Variants in KCNB2 observed in about 807,000 individuals in gnomAD.
KCNB2 encodes delayed rectifier potassium channel protein.
Under a neutral mutation model 61.5 loss-of-function variants are expected in KCNB2, and 15 were observed. The ratio of observed to expected loss-of-function variants is 0.24; its 90% confidence interval spans 0.16 to 0.38. The LOEUF (loss-of-function observed/expected upper bound fraction) is 0.38. Among genes scored for constraint, KCNB2 ranks in the 10% least tolerant of loss-of-function variants. The pLI, the probability that KCNB2 is intolerant of heterozygous loss-of-function variation, is 1.00. For missense variants in KCNB2, 828 were observed against 1,125.2 expected, an observed-to-expected ratio of 0.74 and a Z score of 3.78; for synonymous variants, 457 against 446.0, an observed-to-expected ratio of 1.02 and a Z score of -0.31.
chr8:72,844,386 C>T (rs2129002848), intron 2 of KCNB2, among the ~76,000 whole-genome samples: 1 of 152,294 alleles, frequency 6.6e-6, no homozygotes, highest in South Asian at 2.1e-4. Flanking sequence ...TCCTTCATTT[C>T]AACCTTGGTG....
At chr8:72,673,331 T>A (rs2128988351) in intron 2 of KCNB2, among the ~76,000 whole-genome samples, 1 of 152,312 alleles carries the variant, frequency 6.6e-6, no homozygotes, top group East Asian at 1.9e-4. Flanking sequence ...CCTGTTCTTG[T>A]GATAGTGAGT....
At chr8:72,753,421 G>T (rs115210368) in intron 2 of KCNB2, among the ~76,000 whole-genome samples, 2 of 152,212 alleles carry the variant, frequency 1.3e-5, no homozygotes, top group South Asian at 2.1e-4. Context: ...TCAGGCAAGC[G>T]CAGTGTCTGC....
At chr8:72,798,022 C>T (rs1303913177) in intron 2 of KCNB2, among the ~76,000 whole-genome samples, 1 of 152,166 alleles carries the variant, frequency 6.6e-6, no homozygotes, top group Non-Finnish European at 1.5e-5. Flanking sequence ...TTCCCTTCTT[C>T]ATATACAACA....
intron 2 of KCNB2, among the ~76,000 whole-genome samples, chr8:72,626,730 T>G (rs1805796188): frequency 6.6e-6 from 1 of 152,234 alleles, no homozygotes; most frequent in Non-Finnish European, 1.5e-5. Flanking sequence ...TCAGGCAGTC[T>G]GGTTGCAGAA....
At chr8:72,920,180 C>G (rs1266761633) in intron 2 of KCNB2, among the ~76,000 whole-genome samples, 1 of 151,670 alleles carries the variant, frequency 6.6e-6, no homozygotes, top group Admixed American at 6.6e-5. Flanking sequence ...TAAACATTTA[C>G]TTAATCAAAA....
intron 2 of KCNB2, among the ~76,000 whole-genome samples, chr8:72,578,116 A>ACTG (rs1253026771): frequency 6.6e-6 from 1 of 152,188 alleles, no homozygotes; most frequent in Admixed American, 6.5e-5. Flanking sequence ...AAAATAAATC[A>ACTG]ATGACACTCT....
At chr8:72,546,578 T>A (rs1308456876) in intron 1 of KCNB2, among the ~76,000 whole-genome samples, 3 of 151,900 alleles carry the variant, frequency 2.0e-5, no homozygotes, top group African/African-American at 7.3e-5. Flanking sequence ...TGCAGCAAGT[T>A]ACCCACAATA....
chr8:72,732,613 A>G (rs911277784), intron 2 of KCNB2, among the ~76,000 whole-genome samples: 2 of 152,228 alleles, frequency 1.3e-5, no homozygotes, highest in Non-Finnish European at 2.9e-5. Context: ...TAGCCAGCCC[A>G]TATTTACAGC....
At chr8:72,681,900 C>T (rs1806763859) in intron 2 of KCNB2, among the ~76,000 whole-genome samples, 1 of 152,206 alleles carries the variant, frequency 6.6e-6, no homozygotes, top group South Asian at 2.1e-4. Context: ...TTATGCACCA[C>T]ATGACTATGT....
At chr8:72,794,558 C>A in intron 2 of KCNB2, among the ~76,000 whole-genome samples, 1 of 126,674 alleles carries the variant, frequency 7.9e-6, no homozygotes, top group East Asian at 2.3e-4. Context: ...GAGCAAGACT[C>A]CATCTCAAAA....
intron 2 of KCNB2, among the ~76,000 whole-genome samples, chr8:72,779,521 G>C (rs564726191): frequency 1.3e-5 from 2 of 152,264 alleles, no homozygotes; most frequent in South Asian, 4.2e-4. Context: ...GAGTTCACCA[G>C]TGAGGACATG....
At chr8:72,607,360 C>T (rs1805466933) in intron 2 of KCNB2, among the ~76,000 whole-genome samples, 1 of 152,088 alleles carries the variant, frequency 6.6e-6, no homozygotes, top group Non-Finnish European at 1.5e-5. Context: ...TTACAAGGCA[C>T]TCCAAGGACC....
In KCNB2 at chr8:72,932,852, A is replaced by C. The variant is rs1411302637; in HGVS notation, c.580-3083A>C. Among the ~76,000 whole-genome samples the C allele has an allele frequency of 5.9e-5, 9 of 152,170 alleles. No homozygotes were observed. In the South Asian group the frequency reaches 1.7e-3, roughly 28 times the overall value. ...TATTATATTTATTGTGTTAAAAAAA[A>C]CTCTACAATAAGACAATAAACTTGC... On this transcript the variant is annotated intron_variant, in intron 2 of 2. Transcript: ENST00000523207.
rs76739446 is a variant in KCNB2, at chr8:72,753,537, G to A, written c.580-182398G>A. Among the ~76,000 whole-genome samples the A allele has an allele frequency of 5.4e-3, 823 of 152,302 alleles. 8 individuals carry two copies. The highest frequency in any genetic ancestry group is 7.6e-3 in the Non-Finnish European group (520 of 68,016). On this transcript the variant is annotated intron_variant, in intron 2 of 2. Coordinates refer to ENST00000523207, the MANE Select transcript of KCNB2 (RefSeq NM_004770.3). ...AAGTACAGAATGCTATAGGAACCTG[G>A]AAGAAGAGGATGTAACCAATTGAGT...
chr8:72,566,169 G>T (rs560919837), intron 1 of KCNB2, among the ~76,000 whole-genome samples: 2 of 152,254 alleles, frequency 1.3e-5, no homozygotes, highest in African/African-American at 4.8e-5. Context: ...AATGATGAGG[G>T]AAAGATGAAA....
intron 1 of KCNB2, among the ~76,000 whole-genome samples, chr8:72,546,254 G>A (rs900716777): frequency 2.8e-4 from 43 of 152,130 alleles, no homozygotes; most frequent in African/African-American, 1.0e-3. Flanking sequence ...AGTGGCTCAC[G>A]CCTGTAATCC....
At chr8:72,824,539 G>C (rs576592943) in intron 2 of KCNB2, among the ~76,000 whole-genome samples, 18 of 152,210 alleles carry the variant, frequency 1.2e-4, no homozygotes, top group East Asian at 7.7e-4. Flanking sequence ...TGGTATCTAA[G>C]GAAATCTGAT....
At chr8:72,564,593 C>T (rs62520530) in intron 1 of KCNB2, among the ~76,000 whole-genome samples, 20,259 of 152,130 alleles carry the variant, frequency 0.13, 1,691 homozygotes, top group East Asian at 0.46. Flanking sequence ...CTAATATTTT[C>T]GGCTGTTTTT....
intron 2 of KCNB2, among the ~76,000 whole-genome samples, chr8:72,734,105 G>A (rs1485828488): frequency 6.6e-6 from 1 of 152,128 alleles, no homozygotes; most frequent in South Asian, 2.1e-4. Context: ...TTAGTAATTA[G>A]ATACTCCTTT....
Sources: gnomAD v4.1 joint callset for allele counts (sites outside exome capture counted in the v4.1 genomes callset) on GRCh38, gnomAD v4.1.1 for gene constraint, MANE v1.5 for transcripts, NCBI Gene and HGNC (gene_info 2026-07-23, HGNC 2026-07-21) for gene names.